ZNG1A: variants seen among roughly 807,000 people sequenced by gnomAD.
The protein encoded by ZNG1A is zinc-regulated GTPase metalloprotein activator 1A.
chr9:148,802 G>C, the ZNG1A span: 1 of 148,672 alleles, frequency 6.7e-6, no homozygotes, highest in East Asian at 1.9e-4. Flanking sequence ...CCAAGGACAG[G>C]AGAGTGAAAA....
chr9:177,648 T>G, the ZNG1A span: 1 of 1,454,298 alleles, frequency 6.9e-7, no homozygotes, highest in South Asian at 1.3e-5. Context: ...ATCCCTAGAT[T>G]CAGCAACAAG....
At chr9:173,464 A>G in the ZNG1A span, 1 of 1,449,614 alleles carries the variant, frequency 6.9e-7, no homozygotes, top group African/African-American at 1.5e-5. Flanking sequence ...TAAAGCAGAA[A>G]CTGCATTTTA....
chr9:159,515 A>G, the ZNG1A span, among the ~76,000 whole-genome samples: 2 of 152,332 alleles, frequency 1.3e-5, no homozygotes, highest in South Asian at 2.1e-4. Context: ...TAATTCACAC[A>G]TTGTATACCT....
chr9:164,346 TCAAA>T, the ZNG1A span: 2 of 248,088 alleles, frequency 8.1e-6, no homozygotes, highest in African/African-American at 5.1e-5. Context: ...ACAGATATTA[TCAAA>T]CAATTTGAGC....
the ZNG1A span, chr9:154,505 C>A: frequency 3.4e-6 from 2 of 585,246 alleles, no homozygotes; most frequent in Non-Finnish European, 3.0e-6. Context: ...TAACTGTGAA[C>A]TATATTCTGC....
At chr9:124,067 T>C in the ZNG1A span, among the ~76,000 whole-genome samples, 77 of 152,330 alleles carry the variant, frequency 5.1e-4, no homozygotes, top group African/African-American at 1.3e-3. Context: ...ATGAGAATGA[T>C]AGGATAATGC....
the ZNG1A span, among the ~76,000 whole-genome samples, chr9:128,503 T>A: frequency 6.7e-6 from 1 of 149,502 alleles, no homozygotes; most frequent in African/African-American, 2.5e-5. Flanking sequence ...TATATTTCTA[T>A]AAGTATGTCC....
the ZNG1A span, among the ~76,000 whole-genome samples, chr9:157,453 A>T: frequency 5.4e-5 from 7 of 130,736 alleles, no homozygotes; most frequent in African/African-American, 2.1e-4. Context: ...CAACTAGATT[A>T]TAGTAATACT....
At chr9:139,932 C>A in the ZNG1A span, among the ~76,000 whole-genome samples, 3 of 150,732 alleles carry the variant, frequency 2.0e-5, 1 homozygote, top group East Asian at 1.9e-4. Flanking sequence ...GTCACTCCCA[C>A]CCCAATACTG....
the ZNG1A span, among the ~76,000 whole-genome samples, chr9:136,905 A>G: frequency 6.6e-6 from 1 of 151,526 alleles, no homozygotes; most frequent in African/African-American, 2.4e-5. Flanking sequence ...TTAGCCAGGC[A>G]TGGGTGCAAG....
At chr9:166,869 A>G in the ZNG1A span, 1 of 152,154 alleles carries the variant, frequency 6.6e-6, no homozygotes, top group Non-Finnish European at 1.5e-5. Flanking sequence ...TAGAATACAT[A>G]CGAACAACAA....
At chr9:140,712 A>C in the ZNG1A span, among the ~76,000 whole-genome samples, 1 of 152,128 alleles carries the variant, frequency 6.6e-6, no homozygotes, top group Non-Finnish European at 1.5e-5. Flanking sequence ...ACGAGCTGAG[A>C]GAAGAAGGCT....
the ZNG1A span, among the ~76,000 whole-genome samples, chr9:128,735 G>T: frequency 6.7e-6 from 1 of 150,236 alleles, no homozygotes; most frequent in Non-Finnish European, 1.5e-5. Flanking sequence ...GGATTTTTTG[G>T]GGGGTGTTAA....
At chr9:168,247 T>A in the ZNG1A span, among the ~76,000 whole-genome samples, 423 of 142,074 alleles carry the variant, frequency 3.0e-3, 2 homozygotes, top group Admixed American at 4.7e-3. Flanking sequence ...CAGACTTATT[T>A]TTTATTTATT....
the ZNG1A span, chr9:172,743 T>C: frequency 6.5e-6 from 1 of 154,022 alleles, no homozygotes; most frequent in Non-Finnish European, 1.4e-5. Flanking sequence ...AGAGATTTAA[T>C]TCACTAGAAT....
chr9:162,545 G>A, the ZNG1A span: 1 of 1,522,014 alleles, frequency 6.6e-7, no homozygotes, highest in Non-Finnish European at 8.9e-7. Context: ...ACTTCAAAAT[G>A]AAAATTAAAA....
chr9:177,289 T>C, the ZNG1A span, among the ~76,000 whole-genome samples: 30 of 152,224 alleles, frequency 2.0e-4, no homozygotes, highest in African/African-American at 7.2e-4. Flanking sequence ...CGCAGTCGGA[T>C]TGACATTTAT....
chr9:163,603 T>C, the ZNG1A span, among the ~76,000 whole-genome samples: 2 of 151,900 alleles, frequency 1.3e-5, no homozygotes, highest in African/African-American at 4.8e-5. Flanking sequence ...ACAATAAGCT[T>C]AACCATAAAG....
chr9:178,914 C>A, the ZNG1A span: 53 of 1,141,038 alleles, frequency 4.6e-5, 21 homozygotes, highest in Non-Finnish European at 6.2e-5. Flanking sequence ...CAATTCAGGA[C>A]AATCCTCCTC....
Sources: allele counts gnomAD v4.1 joint callset (sites outside exome capture counted in the v4.1 genomes callset), GRCh38; gene constraint gnomAD v4.1.1; transcripts MANE v1.5; gene names NCBI Gene and HGNC (gene_info 2026-07-23, HGNC 2026-07-21).